Variants in TMEFF2 observed in about 807,000 individuals in gnomAD.
TMEFF2 encodes tomoregulin-2.
Under a neutral mutation model 53.8 loss-of-function variants are expected in TMEFF2, and 28 were observed. The ratio of observed to expected loss-of-function variants is 0.52; its 90% CI spans 0.39 to 0.71. TMEFF2 has a LOEUF of 0.71. Ranked by LOEUF, TMEFF2 falls within the 30% of genes least tolerant of loss-of-function variation. The pLI, the probability that TMEFF2 is intolerant of heterozygous loss-of-function variation, is 0.00. For synonymous variants in TMEFF2, 162 were observed against 166.3 expected (o/e 0.97, Z 0.20); for missense variants, 353 against 455.2 (o/e 0.78, Z 2.04).
intron 4 of TMEFF2, among the ~76,000 whole-genome samples, chr2:192,081,462 G>A (rs76066948): frequency 0.034 from 5,226 of 152,178 alleles, 287 homozygotes; most frequent in African/African-American, 0.12. Context: ...GCCTGATGAC[G>A]TGCTAATTTG....
chr2:192,071,573 C>T (rs907709761), intron 4 of TMEFF2, among the ~76,000 whole-genome samples: 8 of 151,786 alleles, frequency 5.3e-5, no homozygotes, highest in African/African-American at 1.7e-4. Context: ...TCAGTGTCTG[C>T]GAGGGATTAG....
chr2:191,977,173 TC>T (rs892088970), intron 7 of TMEFF2, among the ~76,000 whole-genome samples: 1 of 152,228 alleles, frequency 6.6e-6, no homozygotes, highest in Admixed American at 6.5e-5. Context: ...AGAAGAGTAT[TC>T]CATGCTGGAC....
At chr2:191,964,394 CTT>C (rs777036632) in intron 7 of TMEFF2, among the ~76,000 whole-genome samples, 27 of 62,142 alleles carry the variant, frequency 4.3e-4, no homozygotes, top group African/African-American at 1.2e-3. Context: ...TTCTTTCTTT[CTT>C]TCTCTTTCTT....
intron 4 of TMEFF2, among the ~76,000 whole-genome samples, chr2:192,107,906 A>C (rs566501814): frequency 5.9e-4 from 90 of 151,778 alleles, no homozygotes; most frequent in African/African-American, 2.1e-3. Flanking sequence ...TTACAAAACT[A>C]TCTCTCTAAT....
At chr2:192,129,222 T>C (rs1689751319) in intron 4 of TMEFF2, among the ~76,000 whole-genome samples, 1 of 152,212 alleles carries the variant, frequency 6.6e-6, no homozygotes, top group Admixed American at 6.5e-5. Context: ...CTCAAGCACA[T>C]ATTCTGGATT....
At chr2:192,020,134 C>T (rs1278039004) in intron 5 of TMEFF2, among the ~76,000 whole-genome samples, 1 of 152,068 alleles carries the variant, frequency 6.6e-6, no homozygotes, top group Non-Finnish European at 1.5e-5. Flanking sequence ...AGTTTTTCTT[C>T]CCTACCCTCT....
chr2:191,963,217 A>C (rs1240589831), intron 7 of TMEFF2, among the ~76,000 whole-genome samples: 1 of 152,098 alleles, frequency 6.6e-6, no homozygotes, highest in Admixed American at 6.5e-5. Context: ...AGTTTGCTAT[A>C]AACTTTAGAG....
intron 4 of TMEFF2, chr2:192,176,889 A>G (rs1225605298): frequency 6.6e-6 from 1 of 151,188 alleles, no homozygotes; most frequent in Non-Finnish European, 1.5e-5. Flanking sequence ...TTAGATTTGT[A>G]AGTTTAATGA....
chr2:192,116,820 TC>T (rs1689424756), intron 4 of TMEFF2, among the ~76,000 whole-genome samples: 1 of 152,028 alleles, frequency 6.6e-6, no homozygotes, highest in South Asian at 2.1e-4. Flanking sequence ...AGAATCAAGA[TC>T]AGGATTATTA....
chr2:192,046,998 G>GC (rs1367450697), intron 5 of TMEFF2, among the ~76,000 whole-genome samples: 1 of 151,458 alleles, frequency 6.6e-6, no homozygotes, highest in African/African-American at 2.4e-5. Flanking sequence ...TTGGCTCACT[G>GC]CAGCCTCTGC....
At chr2:192,071,964 G>A (rs1688302949) in intron 4 of TMEFF2, among the ~76,000 whole-genome samples, 1 of 151,828 alleles carries the variant, frequency 6.6e-6, no homozygotes, top group Non-Finnish European at 1.5e-5. Flanking sequence ...ACTAAAGTAT[G>A]GGGAAAGGTG....
intron 4 of TMEFF2, among the ~76,000 whole-genome samples, chr2:192,077,617 C>T (rs749036880): frequency 1.3e-5 from 2 of 151,722 alleles, no homozygotes; most frequent in Non-Finnish European, 2.9e-5. Flanking sequence ...ACTTCTTGAT[C>T]GTTAAATCAA....
At chr2:192,042,503 C>T (rs1160995741) in intron 5 of TMEFF2, among the ~76,000 whole-genome samples, 1 of 152,184 alleles carries the variant, frequency 6.6e-6, no homozygotes, top group African/African-American at 2.4e-5. Flanking sequence ...AGGTGTGCTA[C>T]ACTCCAAAAG....
chr2:192,185,855 A>G (rs921747549), intron 2 of TMEFF2, among the ~76,000 whole-genome samples: 1 of 152,116 alleles, frequency 6.6e-6, no homozygotes, highest in African/African-American at 2.4e-5. Flanking sequence ...GCCTAATTCT[A>G]TAAGTTTTAC....
chr2:191,958,206 G>C (rs964241459), intron 7 of TMEFF2, among the ~76,000 whole-genome samples: 1 of 152,154 alleles, frequency 6.6e-6, no homozygotes, highest in Non-Finnish European at 1.5e-5. Flanking sequence ...AGTGGGGTTT[G>C]CCAGTCACAC....
intron 3 of TMEFF2, among the ~76,000 whole-genome samples, chr2:192,181,831 G>GA (rs1559160977): frequency 1.3e-5 from 2 of 151,404 alleles, no homozygotes; most frequent in African/African-American, 4.8e-5. Flanking sequence ...AAACAGCCAG[G>GA]AAAAAAAAGA....
intron 5 of TMEFF2, chr2:192,028,424 AT>A (rs1687027749): frequency 6.6e-6 from 1 of 152,354 alleles, no homozygotes; most frequent in Admixed American, 6.5e-5. Context: ...ACAGAGAAAG[AT>A]GGCAATAATG....
At chr2:191,960,096 C>T (rs545890899) in intron 7 of TMEFF2, among the ~76,000 whole-genome samples, 8 of 152,164 alleles carry the variant, frequency 5.3e-5, no homozygotes, top group African/African-American at 1.9e-4. Context: ...TGGTCTTGAA[C>T]TCCTGGCCTC....
chr2:192,044,642 C>G (rs1305442798), intron 5 of TMEFF2: 1 of 152,264 alleles, frequency 6.6e-6, no homozygotes, highest in African/African-American at 2.4e-5. Context: ...CCGGTAGATC[C>G]AATGGTGCTT....
Sources: gnomAD v4.1 joint callset for allele counts (sites outside exome capture counted in the v4.1 genomes callset) on GRCh38, gnomAD v4.1.1 for gene constraint, MANE v1.5 for transcripts, NCBI Gene and HGNC (gene_info 2026-07-23, HGNC 2026-07-21) for gene names.